SDK1: variants seen among roughly 807,000 people sequenced by gnomAD.
The protein encoded by SDK1 is sidekick cell adhesion molecule 1.
A neutral mutation model predicts 245.5 loss-of-function variants in SDK1; 157 were observed. The observed-to-expected ratio is 0.64, with a 90% CI of 0.56 to 0.73. The LOEUF is 0.73. SDK1 is among the 30% of genes least tolerant of loss of function. The probability of loss-of-function intolerance (pLI) is 0.00; values close to 1 mark genes in which losing one functional copy is unlikely to be tolerated. For missense variants in SDK1, 3,583 were observed against 3,002.3 expected, an observed-to-expected ratio of 1.19 and a Z score of -4.52; for synonymous variants, 1,647 against 1,278.5, an observed-to-expected ratio of 1.29 and a Z score of -6.15.
chr7:3,640,530 A>T (rs73298246), intron 3 of SDK1, among the ~76,000 whole-genome samples: 2 of 152,242 alleles, frequency 1.3e-5, no homozygotes, highest in African/African-American at 2.4e-5. Context: ...CTTTTATTCA[A>T]TTGAATGATT....
intron 1 of SDK1, among the ~76,000 whole-genome samples, chr7:3,427,834 TTAGATG>T: frequency 9.4e-6 from 1 of 106,474 alleles, no homozygotes; most frequent in African/African-American, 6.0e-5. Context: ...TCATTGTCTC[TTAGATG>T]TCGTTAGTGT....
At chr7:3,786,643 T>C (rs1457438198) in intron 4 of SDK1, among the ~76,000 whole-genome samples, 2 of 152,218 alleles carry the variant, frequency 1.3e-5, no homozygotes, top group African/African-American at 4.8e-5. Context: ...ACAGCCTATT[T>C]GCCTTAATAC....
At chr7:3,316,076 A>G (rs1038328644) in intron 1 of SDK1, among the ~76,000 whole-genome samples, 3 of 152,214 alleles carry the variant, frequency 2.0e-5, no homozygotes, top group Admixed American at 1.3e-4. Flanking sequence ...CATTCAAGTT[A>G]ATGGTAGATG....
intron 1 of SDK1, among the ~76,000 whole-genome samples, chr7:3,367,974 G>T (rs1156443009): frequency 6.6e-6 from 1 of 152,172 alleles, no homozygotes; most frequent in Non-Finnish European, 1.5e-5. Flanking sequence ...TCTCTTCCCT[G>T]TAAGGATGAA....
intron 34 of SDK1, among the ~76,000 whole-genome samples, chr7:4,176,899 A>G (rs904774944): frequency 2.0e-5 from 3 of 152,132 alleles, no homozygotes; most frequent in African/African-American, 7.2e-5. Flanking sequence ...CTTTCAATAA[A>G]CCACGTTGTT....
At chr7:3,684,549 G>T (rs1219904697) in intron 4 of SDK1, among the ~76,000 whole-genome samples, 1 of 152,118 alleles carries the variant, frequency 6.6e-6, no homozygotes, top group Admixed American at 6.5e-5. Context: ...AGGATGCAAA[G>T]GTCTTATTAT....
At chr7:4,027,839 A>C (rs1285841215) in intron 17 of SDK1, among the ~76,000 whole-genome samples, 1 of 152,162 alleles carries the variant, frequency 6.6e-6, no homozygotes, top group Non-Finnish European at 1.5e-5. Context: ...AACTGGCAGC[A>C]AACGGTCCTG....
At chr7:4,223,082 CAA>C (rs79110419) in intron 40 of SDK1, among the ~76,000 whole-genome samples, 1,454 of 93,050 alleles carry the variant, frequency 0.016, 17 homozygotes, top group African/African-American at 0.051. Flanking sequence ...GGCTCCGTCT[CAA>C]AAAAAAAAAA....
rs562354595 is a variant in SDK1 at position 4,250,984 on chromosome 7, C to G, written c.6381+5179C>G. The stretch of plus-strand genomic sequence containing the variant: ...AAACCCTGGCAGCCACTTTCTGTCT[C>G]TATAGATTTGCCTATCCTGAGCATT... On this transcript the variant is annotated intron_variant, in intron 44 of 44. Transcript: ENST00000404826. 2.0e-3 allele frequency among the ~76,000 whole-genome samples: 304 copies of G among 152,282 alleles called. 2 individuals carry two copies. Among genetic ancestry groups the G allele is most frequent in the Admixed American group, 2.6e-3 (39 of 15,288 alleles).
At position 4,127,460 on chromosome 7, in the gene SDK1, G is replaced by A. The variant is rs13232108; in HGVS notation, c.3903G>A (p.Pro1301=). 1.3e-5 allele frequency: 21 copies of A among 1,614,010 alleles called. No individual in the cohort carries two copies. The highest frequency in any genetic ancestry group is 4.5e-5 in the East Asian group (2 of 44,894). The stretch of plus-strand genomic sequence containing the variant: ...TTTTACTGACATGGACATCCGTGCC[G>A]GAACAGGACCAGAATGGGCTCATAC... ...TQILLTWTSV[P]EQDQNGLILG... The change falls in exon 26 of 45, where the codon CCG becomes CCA. Residue 1301 remains proline, a synonymous_variant. Transcript: ENST00000404826.
At chr7:3,790,220 G>C (rs1209735985) in intron 4 of SDK1, among the ~76,000 whole-genome samples, 1 of 152,172 alleles carries the variant, frequency 6.6e-6, no homozygotes. Flanking sequence ...CCAGGGGGCT[G>C]TCTCTGAAGA....
At chr7:3,735,482 G>C (rs1779293650) in intron 4 of SDK1, among the ~76,000 whole-genome samples, 1 of 152,184 alleles carries the variant, frequency 6.6e-6, no homozygotes, top group African/African-American at 2.4e-5. Context: ...CACACATGTG[G>C]TAGCGTGTGT....
chr7:3,540,371 T>G (rs760110504), intron 1 of SDK1, among the ~76,000 whole-genome samples: 3 of 152,212 alleles, frequency 2.0e-5, no homozygotes, highest in African/African-American at 7.2e-5. Context: ...TGCCCCACTT[T>G]ACTGCAGTCT....
chr7:4,058,119 G>T (rs1350762991), intron 19 of SDK1, among the ~76,000 whole-genome samples: 2 of 151,874 alleles, frequency 1.3e-5, no homozygotes, highest in Non-Finnish European at 2.9e-5. Flanking sequence ...AGGAAAGTCA[G>T]ATAAAAGAGA....
intron 1 of SDK1, among the ~76,000 whole-genome samples, chr7:3,357,060 A>C (rs1780818429): frequency 6.6e-6 from 1 of 151,174 alleles, no homozygotes; most frequent in Non-Finnish European, 1.5e-5. Flanking sequence ...CTCGAAAAAA[A>C]AAAAAAAAAA....
intron 41 of SDK1, among the ~76,000 whole-genome samples, chr7:4,234,659 G>A (rs1754814076): frequency 6.6e-6 from 1 of 152,198 alleles, no homozygotes; most frequent in South Asian, 2.1e-4. Context: ...CCGCACCTTA[G>A]GGTTGCTTGA....
intron 35 of SDK1, among the ~76,000 whole-genome samples, chr7:4,179,862 TG>T (rs1342156830): frequency 6.6e-6 from 1 of 150,628 alleles, no homozygotes; most frequent in Non-Finnish European, 1.5e-5. Context: ...TGGCTGGGGG[TG>T]GGTCAGCCTG....
At chr7:3,404,187 A>G (rs1159572923) in intron 1 of SDK1, among the ~76,000 whole-genome samples, 1 of 152,130 alleles carries the variant, frequency 6.6e-6, no homozygotes, top group African/African-American at 2.4e-5. Context: ...CAAACCTCCA[A>G]AATTTGTAAT....
intron 1 of SDK1, among the ~76,000 whole-genome samples, chr7:3,584,699 G>T (rs1219585950): frequency 1.3e-5 from 2 of 151,698 alleles, no homozygotes; most frequent in African/African-American, 4.9e-5. Context: ...CTGTGCCCTT[G>T]CTGAAATTGG....
Sources: allele counts gnomAD v4.1 joint callset (sites outside exome capture counted in the v4.1 genomes callset), GRCh38; gene constraint gnomAD v4.1.1; transcripts MANE v1.5; gene names NCBI Gene and HGNC (gene_info 2026-07-23, HGNC 2026-07-21).